ANKRD29: variants seen among roughly 807,000 people sequenced by gnomAD.
ANKRD29 encodes ankyrin repeat domain 29.
In ANKRD29, 32 loss-of-function variants were observed where a neutral mutation model predicts 38.0. The observed-to-expected ratio is 0.84, with a 90% CI of 0.64 to 1.13. The LOEUF (loss-of-function observed/expected upper bound fraction) is 1.13, where lower values mean the gene tolerates loss of function less well. ANKRD29 is among the 50% of genes most tolerant of loss of function. The probability of loss-of-function intolerance (pLI) is 0.00; values close to 1 mark genes in which losing one functional copy is unlikely to be tolerated. For missense variants in ANKRD29, 357 were observed against 377.9 expected, an observed-to-expected ratio of 0.94 and a Z score of 0.46; for synonymous variants, 135 against 152.4, an observed-to-expected ratio of 0.89 and a Z score of 0.84.
At position 23,621,925 on chromosome 18, in the gene ANKRD29, C is replaced by A. The variant is rs895601777; in HGVS notation, c.529-2296G>T. On this transcript the variant is annotated intron_variant, in intron 6 of 9. Transcript: ENST00000592179. ...TCTTGAACTCTTGGCCTCCAGCAAT[C>A]CTCCCACCTCAGCCTCCCAAAGTGC... is the stretch of plus-strand genomic sequence containing the variant. Among the ~76,000 whole-genome samples, 5 of 151,960 alleles carry A rather than the reference C, an allele frequency of 3.3e-5. No homozygotes were observed. The East Asian group carries it at 9.6e-4, about 29-fold the overall frequency.
chr18:23,613,601 ATT>A lies in ANKRD29; in HGVS notation c.724-1413_724-1412del, dbSNP rs1179381510. Among the ~76,000 whole-genome samples, 642 of 141,034 alleles carry A rather than the reference ATT, an allele frequency of 4.6e-3. 7 individuals carry two copies. Among genetic ancestry groups the A allele is most frequent in the African/African-American group, 0.015 (598 of 38,602 alleles). The allele number at this position is 141,034 out of a possible 152,430, so 92.5% of individuals were successfully genotyped here. ...ATAGATGGTTTATTTTTACTTTACA[ATT>A]TTTTTTTTTTTTTTGATACGGAGTC... On this transcript the variant is annotated intron_variant, in intron 8 of 9. Coordinates refer to ENST00000592179, the MANE Select transcript of ANKRD29 (RefSeq NM_173505.4).
At chr18:23,619,925 G>C (rs2059775491) in intron 6 of ANKRD29, 1 of 388,792 alleles carries the variant, frequency 2.6e-6, no homozygotes, top group Non-Finnish European at 4.6e-6. Context: ...TTACCAAAAA[G>C]GGTGGTACAG....
At chr18:23,637,848 G>T (rs562872098) in intron 4 of ANKRD29, among the ~76,000 whole-genome samples, 72 of 152,244 alleles carry the variant, frequency 4.7e-4, no homozygotes, top group Non-Finnish European at 8.8e-4. Context: ...GGCTAGAAAT[G>T]AGCTGACAAT....
At chr18:23,644,063 C>A (rs1346724) in intron 3 of ANKRD29, among the ~76,000 whole-genome samples, 3,200 of 152,174 alleles carry the variant, frequency 0.021, 108 homozygotes, top group African/African-American at 0.07. Context: ...ATCATTTGAG[C>A]CACGCAGGTT....
chr18:23,602,283 G>T (rs911226247), intron 9 of ANKRD29, among the ~76,000 whole-genome samples: 5 of 151,932 alleles, frequency 3.3e-5, no homozygotes, highest in Admixed American at 3.3e-4. Flanking sequence ...TGATCCGCCC[G>T]CCTCCGCCTC....
intron 3 of ANKRD29, among the ~76,000 whole-genome samples, chr18:23,645,903 G>C (rs1194897050): frequency 6.6e-6 from 1 of 152,042 alleles, no homozygotes; most frequent in Non-Finnish European, 1.5e-5. Flanking sequence ...CATCCCAAGG[G>C]AGTAATAAAG....
intron 5 of ANKRD29, among the ~76,000 whole-genome samples, chr18:23,632,954 T>A (rs1424221270): frequency 6.6e-6 from 1 of 152,110 alleles, no homozygotes; most frequent in Non-Finnish European, 1.5e-5. Flanking sequence ...CCTACAGAGC[T>A]CATTACATGT....
At chr18:23,645,120 G>A (rs1206963815) in intron 3 of ANKRD29, among the ~76,000 whole-genome samples, 1 of 152,204 alleles carries the variant, frequency 6.6e-6, no homozygotes, top group Non-Finnish European at 1.5e-5. Context: ...AAAACCAAGT[G>A]GTTCAGTCTG....
intron 9 of ANKRD29, among the ~76,000 whole-genome samples, chr18:23,601,752 G>T (rs183834841): frequency 6.7e-6 from 1 of 150,212 alleles, no homozygotes. Context: ...TCACTGCAGC[G>T]TTGACCTCCC....
intron 1 of ANKRD29, among the ~76,000 whole-genome samples, chr18:23,653,649 T>C (rs1255911174): frequency 6.8e-6 from 1 of 147,224 alleles, no homozygotes; most frequent in African/African-American, 2.5e-5. Flanking sequence ...CTCTTTTATA[T>C]GGAGTCTCGA....
intron 3 of ANKRD29, among the ~76,000 whole-genome samples, chr18:23,643,045 A>G (rs914267624): frequency 5.3e-5 from 8 of 152,208 alleles, no homozygotes; most frequent in Admixed American, 2.0e-4. Context: ...CACAAGCTAA[A>G]CAAACTTCCT....
At chr18:23,628,988 C>T (rs932258388) in intron 6 of ANKRD29, among the ~76,000 whole-genome samples, 1 of 152,048 alleles carries the variant, frequency 6.6e-6, no homozygotes, top group African/African-American at 2.4e-5. Flanking sequence ...TTTTAAAAAT[C>T]ATTACTCTTT....
intron 2 of ANKRD29, chr18:23,648,622 G>A (rs886530536): frequency 9.1e-6 from 3 of 328,918 alleles, no homozygotes; most frequent in African/African-American, 2.1e-5. Context: ...TTGCCAATTA[G>A]TGTATTTATG....
rs113922665 is a variant in ANKRD29, at chr18:23,650,213, A to G, written c.22-1020T>C. On this transcript the variant is annotated intron_variant, in intron 1 of 9. Coordinates refer to ENST00000592179, the MANE Select transcript of ANKRD29 (RefSeq NM_173505.4). ...CAGGCTGGAGTGCAGTAGCATAGTT[A>G]TGACTCACTGCAGCCTCGACCTCTC... is the stretch of plus-strand genomic sequence containing the variant. 4.7e-3 allele frequency among the ~76,000 whole-genome samples: 713 copies of G among 152,048 alleles called. 9 individuals carry two copies. Among genetic ancestry groups the G allele is most frequent in the African/African-American group, 0.017 (687 of 41,468 alleles).
intron 1 of ANKRD29, among the ~76,000 whole-genome samples, chr18:23,661,271 C>G (rs549808832): frequency 6.6e-6 from 1 of 152,346 alleles, no homozygotes; most frequent in South Asian, 2.1e-4. Context: ...GCTGCCCAGA[C>G]TTGCCTCCTG....
At chr18:23,635,497 A>C (rs2059991182) in intron 4 of ANKRD29, among the ~76,000 whole-genome samples, 1 of 152,166 alleles carries the variant, frequency 6.6e-6, no homozygotes, top group South Asian at 2.1e-4. Context: ...GCTACAGCTA[A>C]GGCATTCTTT....
chr18:23,645,297 T>C (rs565486150), intron 3 of ANKRD29, among the ~76,000 whole-genome samples: 1 of 152,174 alleles, frequency 6.6e-6, no homozygotes, highest in Non-Finnish European at 1.5e-5. Context: ...CCCCAAAGTA[T>C]GTTAAAATGT....
chr18:23,628,373 A>C (rs1405475713), intron 6 of ANKRD29, among the ~76,000 whole-genome samples: 1 of 152,188 alleles, frequency 6.6e-6, no homozygotes, highest in Non-Finnish European at 1.5e-5. Flanking sequence ...AAGAGCTCAG[A>C]CCAACCTTAA....
rs1183386240 is a variant in ANKRD29 at position 23,646,202 on chromosome 18, T to A, written c.218A>T (p.Asn73Ile). The A allele has an allele frequency of 5.6e-6, 9 of 1,614,004 alleles. No homozygotes were observed. The highest frequency in any genetic ancestry group is 6.8e-6 in the Non-Finnish European group (8 of 1,180,026). Residue 73 changes from asparagine to isoleucine, a missense_variant, in exon 3 of 10, where the codon AAT becomes ATT. Asn to Ile is a moderately radical substitution (Grantham distance 149). Coordinates refer to ENST00000592179, the MANE Select transcript of ANKRD29 (RefSeq NM_173505.4). ...RELVLQGADI[N>I]LQRESGTTAL... is the part of the protein sequence containing the mutation. ...AGCCTGACCTACCTCTCTCTGGAGA[T>A]TGATGTCTGCTCCTTGCAGAACCAG...
Sources: gnomAD v4.1 joint callset for allele counts (sites outside exome capture counted in the v4.1 genomes callset) on GRCh38, gnomAD v4.1.1 for gene constraint, MANE v1.5 for transcripts, NCBI Gene and HGNC (gene_info 2026-07-23, HGNC 2026-07-21) for gene names.